NSUN6: variants seen among roughly 807,000 people sequenced by gnomAD.
NSUN6 encodes the protein NOP2/Sun RNA methyltransferase 6.
In NSUN6, 64 loss-of-function variants were observed where a neutral mutation model predicts 58.0. That is an observed-to-expected ratio of 1.10 (90% confidence interval 0.90 to 1.36). NSUN6 has a LOEUF of 1.36. Ranked by LOEUF, NSUN6 falls within the 40% of genes most tolerant of loss-of-function variation. The pLI, the probability that NSUN6 is intolerant of heterozygous loss-of-function variation, is 0.00. For missense variants in NSUN6, 701 were observed against 550.1 expected (o/e 1.27, Z -2.74); for synonymous variants, 231 against 193.9 (o/e 1.19, Z -1.59).
chr10:18,594,537 C>T (rs980498772), intron 7 of NSUN6, among the ~76,000 whole-genome samples: 3 of 152,042 alleles, frequency 2.0e-5, no homozygotes, highest in African/African-American at 4.8e-5. Context: ...CAATCTCTGC[C>T]TCCCAGGTCC....
At chr10:18,565,005 C>A (rs949426306) in intron 8 of NSUN6, among the ~76,000 whole-genome samples, 1 of 147,630 alleles carries the variant, frequency 6.8e-6, no homozygotes, top group Non-Finnish European at 1.5e-5. Context: ...TTTTCCATTC[C>A]ATCACATTCC....
intron 3 of NSUN6, among the ~76,000 whole-genome samples, chr10:18,623,925 C>G (rs1242711793): frequency 1.3e-5 from 2 of 152,138 alleles, no homozygotes; most frequent in African/African-American, 4.8e-5. Flanking sequence ...CATAGGCATG[C>G]TCTTTCCCCC....
intron 7 of NSUN6, among the ~76,000 whole-genome samples, chr10:18,595,195 G>T (rs551928349): frequency 2.6e-5 from 4 of 152,116 alleles, no homozygotes; most frequent in African/African-American, 4.8e-5. Context: ...GCCCAGCAGG[G>T]ATCAGCTGAA....
intron 8 of NSUN6, among the ~76,000 whole-genome samples, chr10:18,569,886 C>A (rs1037474029): frequency 3.3e-5 from 5 of 149,590 alleles, no homozygotes; most frequent in Non-Finnish European, 7.4e-5. Context: ...CATTCCATTC[C>A]ATTCTCCCTT....
intron 6 of NSUN6, among the ~76,000 whole-genome samples, chr10:18,602,909 G>C (rs747011452): frequency 6.6e-6 from 1 of 152,180 alleles, no homozygotes; most frequent in Non-Finnish European, 1.5e-5. Context: ...AGTTATTTAT[G>C]AGGCTTATCA....
chr10:18,568,292 CCAGTT>C (rs1219089860), intron 8 of NSUN6, among the ~76,000 whole-genome samples: 2 of 151,512 alleles, frequency 1.3e-5, no homozygotes, highest in Non-Finnish European at 3.0e-5. Context: ...TTTTTCCATT[CCAGTT>C]CATTCTCCAT....
intron 3 of NSUN6, among the ~76,000 whole-genome samples, chr10:18,629,865 G>A (rs1346735771): frequency 6.7e-6 from 1 of 148,410 alleles, no homozygotes; most frequent in African/African-American, 2.5e-5. Flanking sequence ...AGTCAACAAG[G>A]ATACCCAGGA....
intron 8 of NSUN6, among the ~76,000 whole-genome samples, chr10:18,552,718 T>C (rs1349763754): frequency 2.0e-5 from 3 of 151,490 alleles, no homozygotes; most frequent in Non-Finnish European, 2.9e-5. Flanking sequence ...TGCGTTCCAT[T>C]CCATTCTCCA....
intron 9 of NSUN6, chr10:18,551,610 C>A (rs1564700818): frequency 4.9e-6 from 2 of 409,228 alleles, no homozygotes; most frequent in Non-Finnish European, 8.7e-6. Flanking sequence ...CCATGTTGTG[C>A]CTGTATCAGA....
intron 10 of NSUN6, among the ~76,000 whole-genome samples, chr10:18,547,463 A>T (rs2054346106): frequency 1.3e-5 from 2 of 152,232 alleles, no homozygotes; most frequent in African/African-American, 4.8e-5. Context: ...ATTTCTGTAT[A>T]GAAAGGTACT....
At chr10:18,596,789 C>T (rs942540226) in intron 6 of NSUN6, among the ~76,000 whole-genome samples, 5 of 152,080 alleles carry the variant, frequency 3.3e-5, no homozygotes, top group African/African-American at 1.2e-4. Flanking sequence ...AAAAGCATGC[C>T]ATTTTCATAT....
At chr10:18,613,927 A>C (rs951462752) in intron 5 of NSUN6, among the ~76,000 whole-genome samples, 2 of 152,174 alleles carry the variant, frequency 1.3e-5, no homozygotes, top group African/African-American at 4.8e-5. Context: ...TTTTTCCACC[A>C]ATTTATTTAG....
chr10:18,601,537 A>G, intron 6 of NSUN6, among the ~76,000 whole-genome samples: 1 of 90,098 alleles, frequency 1.1e-5, no homozygotes, highest in Non-Finnish European at 2.3e-5. Context: ...CTGGACTAAG[A>G]CATAACAGTT....
chr10:18,564,416 T>C (rs538476813), intron 8 of NSUN6, among the ~76,000 whole-genome samples: 1 of 150,232 alleles, frequency 6.7e-6, no homozygotes, highest in Middle Eastern at 3.2e-3. Context: ...TTCCATTCCA[T>C]TCTCCGTTCC....
intron 8 of NSUN6, among the ~76,000 whole-genome samples, chr10:18,571,036 A>C (rs2056330419): frequency 7.3e-6 from 1 of 136,940 alleles, no homozygotes; most frequent in African/African-American, 2.8e-5. Context: ...TCCATTCTCT[A>C]CTTTCCATTC....
rs143404181 is a variant in NSUN6, at chr10:18,648,637, A to G, written c.84T>C (p.Thr28=). 1,456 of 1,562,122 alleles carry G rather than the reference A, an allele frequency of 9.3e-4. 1 individual carries two copies. Among genetic ancestry groups the G allele is most frequent in the Non-Finnish European group, 1.2e-3 (1,350 of 1,154,026 alleles). The change falls in exon 2 of 11, where the codon ACT becomes ACC. Residue 28 remains threonine, a synonymous_variant. Coordinates refer to ENST00000377304, the MANE Select transcript of NSUN6 (RefSeq NM_182543.5). ...KEGFMNKEIV[T]ALGKQEAERK... ...TTTCTGCTTCTTGTTTACCTAAAGC[A>G]GTCACAATCTAAAAAGAAGTTCATG... is the stretch of plus-strand genomic sequence containing the variant.
At chr10:18,556,423 T>C (rs1453232386) in intron 8 of NSUN6, among the ~76,000 whole-genome samples, 2 of 146,402 alleles carry the variant, frequency 1.4e-5, no homozygotes, top group Admixed American at 1.4e-4. Context: ...TGGAATGGAA[T>C]GGAGAACTGA....
rs1564784809 is a variant in NSUN6, at chr10:18,600,944, AT to A, written c.658-4618del. Among the ~76,000 whole-genome samples, 14 of 68,822 alleles carry A rather than the reference AT, an allele frequency of 2.0e-4. 1 individual carries two copies. The highest frequency in any genetic ancestry group is 2.8e-4 in the Non-Finnish European group (10 of 35,214). The allele number at this position is 68,822 out of a possible 152,430, so 45.1% of individuals were successfully genotyped here. ...CTCCATCTCAAAAAAAAAAAAAAATATATATATATATATATACATATATATA... is the reference window on the plus strand; with the variant it reads ...CTCCATCTCAAAAAAAAAAAAAAATAATATATATATATATACATATATATA... On this transcript the variant is annotated intron_variant, in intron 6 of 10. Coordinates refer to ENST00000377304, the MANE Select transcript of NSUN6 (RefSeq NM_182543.5).
In NSUN6 at chr10:18,545,761, AC is replaced by A; in HGVS notation, c.*171del. The A allele has an allele frequency of 5.2e-6, 3 of 574,602 alleles. No homozygotes were observed. In the South Asian group the frequency reaches 6.8e-5, roughly 13 times the overall value. The allele number at this position is 574,602 out of a possible 1,614,324, so 35.6% of individuals were successfully genotyped here. A position where few individuals can be genotyped will look rare whatever the true frequency, so the allele number is the denominator to read the frequency against. On this transcript the variant is annotated 3_prime_UTR_variant, in exon 11 of 11. Coordinates refer to ENST00000377304, the MANE Select transcript of NSUN6 (RefSeq NM_182543.5). ...AAAACAGAAAATATAATCTCATACC[AC>A]CCCCTACTTCCTCTATGTCTCTGGA...
Sources: gnomAD v4.1 joint callset for allele counts (sites outside exome capture counted in the v4.1 genomes callset) on GRCh38, gnomAD v4.1.1 for gene constraint, MANE v1.5 for transcripts, NCBI Gene and HGNC (gene_info 2026-07-23, HGNC 2026-07-21) for gene names.